The following XIRP2 variants were observed in gnomAD, a reference collection of about 807,000 sequenced individuals.
XIRP2 encodes the protein xin actin binding repeat containing 2.
Under a neutral mutation model 277.0 loss-of-function variants are expected in XIRP2, and 236 were observed. That is an observed-to-expected ratio of 0.85 (90% CI 0.77 to 0.95). The LOEUF is 0.95. XIRP2 is among the 40% of genes least tolerant of loss of function. XIRP2 has a pLI of 0.00. For missense variants in XIRP2, 4,640 were observed against 4,157.5 expected (o/e 1.12, Z -3.19); for synonymous variants, 1,490 against 1,416.5 (o/e 1.05, Z -1.17).
intron 2 of XIRP2, among the ~76,000 whole-genome samples, chr2:167,092,008 G>A (rs72884659): frequency 6.6e-6 from 1 of 152,052 alleles, no homozygotes; most frequent in African/African-American, 2.4e-5. Context: ...GACTTGTTGG[G>A]CCAAGATCCA....
rs16853277 is a variant in XIRP2 at position 167,229,866 on chromosome 2, C to T, written c.859-9989C>T. ...CTAGCTTCTTCACAGATCTTAACAA[C>T]ACAGAATAAGGAATAAGGTTACATC... On this transcript the variant is annotated intron_variant, in intron 5 of 10. Transcript: ENST00000409195. Among the ~76,000 whole-genome samples, 663 of 152,218 alleles carry T rather than the reference C, an allele frequency of 4.4e-3. 6 individuals carry two copies. Among genetic ancestry groups the T allele is most frequent in the African/African-American group, 0.015 (607 of 41,534 alleles).
chr2:167,252,078 C>T (rs1203028450), intron 9 of XIRP2, 131 bp downstream of exon 9: 3 of 1,367,990 alleles, frequency 2.2e-6, no homozygotes, highest in Non-Finnish European at 1.9e-6. Flanking sequence ...AACAGCTTCC[C>T]ATGTATGCTT....
chr2:167,117,321 T>TA (rs1269140603), intron 2 of XIRP2, among the ~76,000 whole-genome samples: 1 of 152,146 alleles, frequency 6.6e-6, no homozygotes, highest in African/African-American at 2.4e-5. Flanking sequence ...GCCATACACA[T>TA]ACAGTGCACA....
At chr2:167,096,921 G>T (rs1197826944) in intron 2 of XIRP2, among the ~76,000 whole-genome samples, 2 of 152,096 alleles carry the variant, frequency 1.3e-5, no homozygotes, top group Non-Finnish European at 2.9e-5. Flanking sequence ...TGTTTGTTAT[G>T]ATTTCCATTC....
Position 167,248,503 on chromosome 2 carries a change from A to C in XIRP2, c.7111A>C (p.Thr2371Pro), listed in dbSNP as rs778550853. The C allele has an allele frequency of 8.7e-6, 14 of 1,613,094 alleles. No individual in the cohort carries two copies. The South Asian group carries it at 1.4e-4, about 16-fold the overall frequency. The change falls in exon 9 of 11, where the codon ACT becomes CCT. Residue 2371 changes from threonine to proline, a missense_variant. Transcript: ENST00000409195. The part of the protein sequence containing the change: ...SMFLPPPPPP[T>P]PSQKPAHLLS... ...GTTTCTGCCGCCTCCTCCTCCTCCA[A>C]CTCCATCTCAAAAGCCAGCACATCT...
chr2:167,249,118 C>T lies in XIRP2; in HGVS notation c.7726C>T (p.Gln2576Ter). 1.2e-6 allele frequency: 2 copies of T among 1,613,602 alleles called. No individual in the cohort carries two copies. The highest frequency in any genetic ancestry group is 1.7e-6 in the Non-Finnish European group (2 of 1,179,794). Residue 2576 changes from glutamine to a stop codon, truncating the protein, a stop_gained, in exon 9 of 11, where the codon CAA (glutamine) becomes TAA (stop). Coordinates refer to ENST00000409195, the MANE Select transcript of XIRP2 (RefSeq NM_152381.6). LOFTEE classifies it high-confidence loss of function. Reference sequence around the variant, plus strand: ...CTACAACATTGTTAAAACTCAAAGCCAAAATCAACACATAACAGAGGTGGA... The same window carrying T: ...CTACAACATTGTTAAAACTCAAAGCTAAAATCAACACATAACAGAGGTGGA... Reference protein sequence around the residue: ...SYYNIVKTQSQNQHITEVEKE... With the variant: ...SYYNIVKTQS
At chr2:167,030,032 T>C (rs1688295910) in intron 2 of XIRP2, among the ~76,000 whole-genome samples, 1 of 152,156 alleles carries the variant, frequency 6.6e-6, no homozygotes. Flanking sequence ...TGATGGTAGA[T>C]TGTATTTTGG....
chr2:167,256,256 T>C (rs535240547), intron 10 of XIRP2, among the ~76,000 whole-genome samples: 9 of 151,706 alleles, frequency 5.9e-5, no homozygotes, highest in Admixed American at 5.9e-4. Context: ...ACCTTGAATG[T>C]TTTTTGCCTA....
At chr2:167,138,785 G>A (rs1691629450) in intron 3 of XIRP2, among the ~76,000 whole-genome samples, 1 of 152,178 alleles carries the variant, frequency 6.6e-6, no homozygotes, top group Admixed American at 6.6e-5. Context: ...GATTCGTTGG[G>A]CTGGGCACAG....
intron 2 of XIRP2, among the ~76,000 whole-genome samples, chr2:167,050,883 C>T (rs115652394): frequency 0.015 from 2,334 of 151,704 alleles, 72 homozygotes; most frequent in African/African-American, 0.054. Flanking sequence ...AGATGCATAG[C>T]GCCTACTAAA....
rs549842981 is a variant in XIRP2 at position 167,210,599 on chromosome 2, A to T, written c.563-136A>T. The T allele has an allele frequency of 7.6e-4, 911 of 1,194,168 alleles. 5 individuals are homozygous for T. Among genetic ancestry groups the T allele is most frequent in the Non-Finnish European group, 6.3e-4 (537 of 849,544 alleles). The allele number at this position is 1,194,168 out of a possible 1,614,324, so 74.0% of individuals were successfully genotyped here. A position where few individuals can be genotyped will look rare whatever the true frequency, so the allele number is the denominator to read the frequency against. ...AAAGCTTGAAGGAGATGACCATGAG[A>T]CATTGAAAATATTGTGAAATGCTAC... On this transcript the variant is annotated intron_variant, in intron 3 of 10. Transcript: ENST00000409195.
intron 1 of XIRP2, among the ~76,000 whole-genome samples, chr2:166,893,744 AC>A (rs1308125866): frequency 7.3e-5 from 11 of 151,724 alleles, no homozygotes; most frequent in African/African-American, 2.7e-4. Context: ...CATGCTTAAA[AC>A]TCTTCATTCA....
intron 2 of XIRP2, among the ~76,000 whole-genome samples, chr2:167,083,600 T>C (rs890435760): frequency 6.6e-6 from 1 of 152,220 alleles, no homozygotes; most frequent in African/African-American, 2.4e-5. Flanking sequence ...TCCATTTGTT[T>C]GTATCCTCTT....
At chr2:166,939,703 AAACAAAAACAAAAAAC>A (rs1685641835) in intron 2 of XIRP2, among the ~76,000 whole-genome samples, 1 of 150,138 alleles carries the variant, frequency 6.7e-6, no homozygotes, top group African/African-American at 2.5e-5. Context: ...AAAAAACAAA[AAACAAAAACAAAAAAC>A]AAAACAAAAA....
At chr2:166,955,568 T>A (rs1263226452) in intron 2 of XIRP2, among the ~76,000 whole-genome samples, 1 of 151,898 alleles carries the variant, frequency 6.6e-6, no homozygotes, top group South Asian at 2.1e-4. Flanking sequence ...GTACATTATA[T>A]GTTTTATAAA....
chr2:167,012,073 T>G (rs917609416), intron 2 of XIRP2, among the ~76,000 whole-genome samples: 4 of 152,070 alleles, frequency 2.6e-5, no homozygotes, highest in African/African-American at 9.7e-5. Context: ...AGTTCTGCTC[T>G]GATTTTAGTT....
chr2:167,109,363 C>A (rs1273877829), intron 2 of XIRP2, among the ~76,000 whole-genome samples: 2 of 152,164 alleles, frequency 1.3e-5, no homozygotes, highest in African/African-American at 4.8e-5. Context: ...TCACTGCAAC[C>A]TCTGCCTCCA....
intron 2 of XIRP2, among the ~76,000 whole-genome samples, chr2:167,087,536 C>G (rs1158645246): frequency 6.6e-6 from 1 of 152,196 alleles, no homozygotes; most frequent in African/African-American, 2.4e-5. Flanking sequence ...TGCCCCTCAC[C>G]CTGCCTCGCT....
chr2:167,141,728 G>T (rs1017475718), intron 3 of XIRP2, among the ~76,000 whole-genome samples: 1 of 152,060 alleles, frequency 6.6e-6, no homozygotes, highest in Non-Finnish European at 1.5e-5. Flanking sequence ...TGGGCTTGCG[G>T]CACATACCTG....
Sources: allele counts gnomAD v4.1 joint callset (sites outside exome capture counted in the v4.1 genomes callset), GRCh38; gene constraint gnomAD v4.1.1; transcripts MANE v1.5; gene names NCBI Gene and HGNC (gene_info 2026-07-23, HGNC 2026-07-21).